ADCYAP1R1: variants seen among roughly 807,000 people sequenced by gnomAD.
The protein encoded by ADCYAP1R1 is pituitary adenylate cyclase-activating polypeptide type I receptor.
Under a neutral mutation model 67.6 loss-of-function variants are expected in ADCYAP1R1, and 44 were observed. The ratio of observed to expected loss-of-function variants is 0.65; its 90% confidence interval spans 0.51 to 0.84. The LOEUF is 0.84. ADCYAP1R1 is among the 40% of genes least tolerant of loss of function. ADCYAP1R1 has a pLI of 0.00. For missense variants in ADCYAP1R1, 477 were observed against 587.9 expected (o/e 0.81, Z 1.95); for synonymous variants, 222 against 219.6 (o/e 1.01, Z -0.10).
chr7:31,073,037 C>G (rs1262978872), intron 3 of ADCYAP1R1, among the ~76,000 whole-genome samples: 1 of 152,240 alleles, frequency 6.6e-6, no homozygotes, highest in Non-Finnish European at 1.5e-5. Context: ...TGCAACCCTG[C>G]TGACACCTTA....
At chr7:31,070,049 G>T (rs973140960) in intron 3 of ADCYAP1R1, among the ~76,000 whole-genome samples, 3 of 152,178 alleles carry the variant, frequency 2.0e-5, no homozygotes, top group Admixed American at 6.5e-5. Context: ...CAACCACATT[G>T]GGGGCCAGAG....
intron 3 of ADCYAP1R1, among the ~76,000 whole-genome samples, chr7:31,067,500 C>G (rs1794784814): frequency 2.0e-5 from 3 of 151,674 alleles, no homozygotes; most frequent in African/African-American, 7.3e-5. Flanking sequence ...GCACTTCATT[C>G]TATCACCACA....
chr7:31,089,423 GTTT>G (rs34984750), intron 12 of ADCYAP1R1, among the ~76,000 whole-genome samples: 3 of 127,528 alleles, frequency 2.4e-5, no homozygotes, highest in East Asian at 4.7e-4. Flanking sequence ...GCTTGTTTCA[GTTT>G]TTTTTTTTTT....
Position 31,110,486 on chromosome 7 carries a change from G to A in ADCYAP1R1, c.*3802G>A, listed in dbSNP as rs1405477364. 6.6e-6 allele frequency: 1 copy of A among 152,180 alleles called. No individual in the cohort carries two copies. Among genetic ancestry groups the A allele is most frequent in the Non-Finnish European group, 1.5e-5 (1 of 68,022 alleles). 9.4% of individuals were successfully genotyped at this position (152,180 alleles called of 1,614,324 possible). ...AGAAAATACACGCAGGCCTAGCATG[G>A]TGCCTGCCACCATGGTGGGATCCAG... is the stretch of plus-strand genomic sequence containing the variant. On this transcript the variant is annotated 3_prime_UTR_variant, in exon 16 of 16. Transcript: ENST00000304166.
At chr7:31,068,817 G>A (rs1794853883) in intron 3 of ADCYAP1R1, among the ~76,000 whole-genome samples, 1 of 152,200 alleles carries the variant, frequency 6.6e-6, no homozygotes, top group Admixed American at 6.5e-5. Context: ...CTCAAGTTCA[G>A]GGATAGCATT....
intron 12 of ADCYAP1R1, among the ~76,000 whole-genome samples, chr7:31,090,224 T>G (rs1237106212): frequency 1.3e-5 from 2 of 152,216 alleles, no homozygotes; most frequent in African/African-American, 2.4e-5. Context: ...TTACGTTGAT[T>G]TTGTTGATAT....
intron 3 of ADCYAP1R1, among the ~76,000 whole-genome samples, chr7:31,065,770 C>T (rs984447845): frequency 2.0e-5 from 3 of 152,298 alleles, no homozygotes; most frequent in Admixed American, 6.5e-5. Flanking sequence ...TTGCCTTAAT[C>T]GTTGAAGGAC....
chr7:31,079,307 G>A (rs1414566801), intron 4 of ADCYAP1R1, among the ~76,000 whole-genome samples: 1 of 152,176 alleles, frequency 6.6e-6, no homozygotes, highest in Non-Finnish European at 1.5e-5. Context: ...ACTGAGTTGG[G>A]GCTGGGCAGG....
intron 2 of ADCYAP1R1, among the ~76,000 whole-genome samples, chr7:31,064,209 C>G (rs1189548451): frequency 6.6e-6 from 1 of 152,228 alleles, no homozygotes; most frequent in Non-Finnish European, 1.5e-5. Context: ...AATAGCAGCA[C>G]TGCTCCTTAG....
chr7:31,059,934 G>C (rs1266057080), intron 1 of ADCYAP1R1, among the ~76,000 whole-genome samples: 1 of 151,816 alleles, frequency 6.6e-6, no homozygotes, highest in Non-Finnish European at 1.5e-5. Flanking sequence ...TTGGGCAGGG[G>C]GTGGACTGTA....
chr7:31,084,012 C>T (rs1216012918), intron 6 of ADCYAP1R1, 129 bp from the exon 7 acceptor site: 3 of 726,430 alleles, frequency 4.1e-6, no homozygotes, highest in Non-Finnish European at 7.1e-6. Flanking sequence ...TTTCTGAAAC[C>T]TTTCCCCATG....
Position 31,103,238 on chromosome 7 carries a change from C to A in ADCYAP1R1, c.1048C>A (p.Arg350=). The A allele has an allele frequency of 6.2e-7, 1 of 1,613,858 alleles. No individual in the cohort carries two copies. Among genetic ancestry groups the A allele is most frequent in the Non-Finnish European group, 8.5e-7 (1 of 1,179,856 alleles). The change falls in exon 14 of 16, where the codon CGA becomes AGA. Residue 350 remains arginine (R), a splice_region_variant and synonymous_variant. Coordinates refer to ENST00000304166, the MANE Select transcript of ADCYAP1R1 (RefSeq NM_001118.5). ...AGATGTTTTGCTTTCCTCCGACAGGCGACTGGCCCGGTCCACCCTGCTGCT... is the reference window on the plus strand; with the variant it reads ...AGATGTTTTGCTTTCCTCCGACAGGAGACTGGCCCGGTCCACCCTGCTGCT... The part of the protein sequence containing the change: ...MGGNESSIYL[R]LARSTLLLIP...
chr7:31,063,452 C>T (rs756464288), intron 2 of ADCYAP1R1, 137 bp downstream of exon 2: 2 of 882,532 alleles, frequency 2.3e-6, no homozygotes, highest in Non-Finnish European at 3.6e-6. Flanking sequence ...ACTGGGCCAC[C>T]CAGTGCCTTT....
intron 3 of ADCYAP1R1, among the ~76,000 whole-genome samples, chr7:31,068,042 T>G (rs1259146032): frequency 1.3e-5 from 2 of 152,100 alleles, no homozygotes; most frequent in Non-Finnish European, 2.9e-5. Flanking sequence ...GGAGCAGATC[T>G]GGGCTTCAGA....
chr7:31,056,672 G>A (rs1794259034), intron 1 of ADCYAP1R1, among the ~76,000 whole-genome samples: 2 of 152,114 alleles, frequency 1.3e-5, no homozygotes, highest in African/African-American at 2.4e-5. Context: ...GGGCCTCAGG[G>A]TACATTTCTG....
chr7:31,075,542 T>C (rs952940725), intron 3 of ADCYAP1R1, among the ~76,000 whole-genome samples: 1 of 152,164 alleles, frequency 6.6e-6, no homozygotes, highest in South Asian at 2.1e-4. Flanking sequence ...TCCATAAATA[T>C]GGGTTCTCCA....
chr7:31,058,701 A>G (rs536406817), intron 1 of ADCYAP1R1, among the ~76,000 whole-genome samples: 103 of 152,308 alleles, frequency 6.8e-4, no homozygotes, highest in African/African-American at 2.4e-3. Flanking sequence ...GAATGGGTGT[A>G]GTGGCGGACC....
intron 3 of ADCYAP1R1, among the ~76,000 whole-genome samples, chr7:31,075,752 T>C (rs1194392184): frequency 6.6e-6 from 1 of 152,128 alleles, no homozygotes; most frequent in Admixed American, 6.5e-5. Flanking sequence ...GCTTGTGACA[T>C]GGCCAGATAT....
chr7:31,097,562 C>T (rs1796249189), intron 13 of ADCYAP1R1, among the ~76,000 whole-genome samples: 1 of 152,222 alleles, frequency 6.6e-6, no homozygotes, highest in African/African-American at 2.4e-5. Context: ...TCTGCCCTCC[C>T]TGACCCCCAT....
Sources: gnomAD v4.1 joint callset for allele counts (sites outside exome capture counted in the v4.1 genomes callset) on GRCh38, gnomAD v4.1.1 for gene constraint, MANE v1.5 for transcripts, NCBI Gene and HGNC (gene_info 2026-07-23, HGNC 2026-07-21) for gene names.